The following GOLPH3L variants were observed in gnomAD, a reference collection of about 807,000 sequenced individuals.
GOLPH3L encodes the protein Golgi phosphoprotein 3-like.
In GOLPH3L, 22 loss-of-function variants were observed where a neutral mutation model predicts 30.3. The ratio of observed to expected loss-of-function variants is 0.73; its 90% CI spans 0.52 to 1.04. The LOEUF is 1.04. GOLPH3L is among the 50% of genes least tolerant of loss of function. The pLI, the probability that GOLPH3L is intolerant of heterozygous loss-of-function variation, is 0.00. For missense variants in GOLPH3L, 303 were observed against 345.8 expected (o/e 0.88, Z 0.98); for synonymous variants, 120 against 128.2 (o/e 0.94, Z 0.43).
At chr1:150,694,527 C>T in intron 2 of GOLPH3L, 129 bp downstream of exon 2, 2 of 571,374 alleles carry the variant, frequency 3.5e-6, no homozygotes, top group Non-Finnish European at 5.9e-6. Flanking sequence ...CCAACTCCTC[C>T]ATCTTCCAGA....
chr1:150,671,069 G>A (rs1027266973), intron 2 of GOLPH3L, among the ~76,000 whole-genome samples: 2 of 151,854 alleles, frequency 1.3e-5, no homozygotes, highest in African/African-American at 4.8e-5. Flanking sequence ...GTGAAACCCA[G>A]TCTCCACTAA....
At chr1:150,654,507 TA>T (rs796626110) in intron 4 of GOLPH3L, among the ~76,000 whole-genome samples, 364 of 139,040 alleles carry the variant, frequency 2.6e-3, no homozygotes, top group South Asian at 4.1e-3. Context: ...ACATTCCGTT[TA>T]AAAAAAAAAA....
intron 2 of GOLPH3L, 75 bp from the exon 3 acceptor site, chr1:150,663,838 G>A: frequency 7.7e-7 from 1 of 1,290,874 alleles, no homozygotes; most frequent in African/African-American, 1.5e-5. Context: ...CCTAAGAACA[G>A]GCCGCTTTGT....
chr1:150,653,301 T>A (rs894794415), intron 4 of GOLPH3L, among the ~76,000 whole-genome samples: 40 of 124,668 alleles, frequency 3.2e-4, no homozygotes, highest in South Asian at 5.7e-4. Context: ...TTTTTTTATT[T>A]TTTTTTTTTT....
intron 4 of GOLPH3L, among the ~76,000 whole-genome samples, chr1:150,655,890 T>A (rs1172076343): frequency 1.3e-5 from 2 of 152,226 alleles, no homozygotes; most frequent in Non-Finnish European, 2.9e-5. Flanking sequence ...TCGCCTTTAA[T>A]AGTTATAGAT....
chr1:150,661,065 T>A (rs1366014442), intron 4 of GOLPH3L, among the ~76,000 whole-genome samples: 1 of 152,046 alleles, frequency 6.6e-6, no homozygotes, highest in Non-Finnish European at 1.5e-5. Flanking sequence ...CTGTCTCTAC[T>A]AAGAATACAA....
rs978667407 is a variant in GOLPH3L, at chr1:150,648,460, G to C, written c.719C>G (p.Ser240Cys). Residue 240 changes from serine to cysteine, a missense_variant, in exon 5 of 5, where the codon TCC (serine) becomes TGC (cysteine). Ser to Cys is a moderately radical substitution (Grantham distance 112). Coordinates refer to ENST00000271732, the MANE Select transcript of GOLPH3L (RefSeq NM_018178.6). ...ATCATACTTGTCATCTGTCAGAGAG[G>C]AGAAGACATTCTCTAGCACATCAGA... is the stretch of plus-strand genomic sequence containing the variant. Reference protein sequence around the residue: ...HSSDVLENVFSSLTDDKYDVA... With the variant: ...HSSDVLENVFCSLTDDKYDVA... The C allele has an allele frequency of 6.2e-7, 1 of 1,613,790 alleles. No individual in the cohort carries two copies. Among genetic ancestry groups the C allele is most frequent in the African/African-American group, 1.3e-5 (1 of 74,926 alleles).
Position 150,672,784 on chromosome 1 carries a change from T to C in GOLPH3L, c.184-9021A>G, listed in dbSNP as rs144353461. Among the ~76,000 whole-genome samples the C allele has an allele frequency of 2.2e-4, 34 of 152,226 alleles. No individual in the cohort carries two copies. The East Asian group carries it at 6.4e-3, about 29-fold the overall frequency. ...TAAAAGCCCACTCTGTTTAATCCTA[T>C]TGGAGAATGAAGAACTGTGACCTGA... On this transcript the variant is annotated intron_variant, in intron 2 of 4. Transcript: ENST00000271732.
chr1:150,675,095 G>A (rs967808640), intron 2 of GOLPH3L, among the ~76,000 whole-genome samples: 4 of 152,010 alleles, frequency 2.6e-5, no homozygotes, highest in African/African-American at 9.7e-5. Context: ...GCCCAGGCTG[G>A]TGTTGAAGAC....
chr1:150,660,647 T>C (rs1308819701), intron 4 of GOLPH3L, among the ~76,000 whole-genome samples: 3 of 152,208 alleles, frequency 2.0e-5, no homozygotes, highest in Non-Finnish European at 4.4e-5. Flanking sequence ...GAATGGACCT[T>C]GAAAACATTA....
intron 2 of GOLPH3L, among the ~76,000 whole-genome samples, chr1:150,677,490 A>C (rs919997677): frequency 6.7e-6 from 1 of 150,246 alleles, no homozygotes; most frequent in Non-Finnish European, 1.5e-5. Context: ...CACCTGCCTC[A>C]GCCTCCAAAA....
At chr1:150,690,051 A>T (rs1253298127) in intron 2 of GOLPH3L, among the ~76,000 whole-genome samples, 3 of 152,010 alleles carry the variant, frequency 2.0e-5, no homozygotes, top group African/African-American at 7.2e-5. Flanking sequence ...CAGTGGCACA[A>T]ACACAGCTCA....
At chr1:150,671,759 T>C (rs1650649933) in intron 2 of GOLPH3L, among the ~76,000 whole-genome samples, 1 of 128,336 alleles carries the variant, frequency 7.8e-6, no homozygotes, top group Admixed American at 1.0e-4. Flanking sequence ...TGAGCCGAGA[T>C]CGCACCACTG....
intron 2 of GOLPH3L, among the ~76,000 whole-genome samples, chr1:150,672,891 A>G (rs186413476): frequency 6.6e-6 from 1 of 152,336 alleles, no homozygotes; most frequent in Admixed American, 6.5e-5. Context: ...GGATTTCTCA[A>G]TGAATGAAAT....
chr1:150,684,975 GATAATT>G (rs917415788), intron 2 of GOLPH3L, among the ~76,000 whole-genome samples: 13 of 152,038 alleles, frequency 8.6e-5, no homozygotes, highest in Non-Finnish European at 1.6e-4. Flanking sequence ...GCGATAATAT[GATAATT>G]ATAATTAAAT....
At position 150,694,764 on chromosome 1, in the gene GOLPH3L, T is replaced by C. The variant is rs369900038; in HGVS notation, c.75A>G (p.Glu25=). ...CTGGACTTTTCTCCCAATTACTGTC[T>C]TCCTCACTTTCCATCTTCTTTTCAG... ...KNSEKKMESE[E]DSNWEKSPDN... is the part of the protein sequence containing the mutation. The change falls in exon 2 of 5, where the codon GAA becomes GAG. Residue 25 remains glutamate, a synonymous_variant. Coordinates refer to ENST00000271732, the MANE Select transcript of GOLPH3L (RefSeq NM_018178.6). The C allele has an allele frequency of 3.3e-5, 53 of 1,611,848 alleles. No individual in the cohort carries two copies. The highest frequency in any genetic ancestry group is 1.6e-4 in the Middle Eastern group (1 of 6,076).
At chr1:150,678,284 CAAAAAAAAAA>C (rs75131824) in intron 2 of GOLPH3L, among the ~76,000 whole-genome samples, 2 of 45,922 alleles carry the variant, frequency 4.4e-5, no homozygotes, top group Non-Finnish European at 8.2e-5. Flanking sequence ...AACTCCGTCT[CAAAAAAAAAA>C]AAAAAAAAAA....
chr1:150,661,614 G>A (rs587655038), intron 4 of GOLPH3L, among the ~76,000 whole-genome samples, 200 bp downstream of exon 4: 135 of 152,234 alleles, frequency 8.9e-4, no homozygotes, highest in African/African-American at 2.7e-3. Context: ...TTTTGGGGTG[G>A]GGTGGCAGAA....
At chr1:150,663,804 G>A in intron 2 of GOLPH3L, 41 bp from the exon 3 acceptor site, 1 of 1,590,600 alleles carries the variant, frequency 6.3e-7, no homozygotes, top group Non-Finnish European at 8.6e-7. Context: ...TGTTTTGAGA[G>A]GAATACTGAC....
Sources: allele counts gnomAD v4.1 joint callset (sites outside exome capture counted in the v4.1 genomes callset), GRCh38; gene constraint gnomAD v4.1.1; transcripts MANE v1.5; gene names NCBI Gene and HGNC (gene_info 2026-07-23, HGNC 2026-07-21).